The following STOX2 variants were observed in gnomAD, a reference collection of about 807,000 sequenced individuals.
STOX2 encodes storkhead box 2, also known as storkhead-box protein 2.
In STOX2, 28 loss-of-function variants were observed where a neutral mutation model predicts 60.9. That is an observed-to-expected ratio of 0.46 (90% confidence interval 0.34 to 0.63). The LOEUF (loss-of-function observed/expected upper bound fraction) is 0.63, where lower values mean the gene tolerates loss of function less well. Ranked by LOEUF, STOX2 falls within the 30% of genes least tolerant of loss-of-function variation. The pLI is 0.01. For synonymous variants in STOX2, 472 were observed against 463.9 expected (o/e 1.02, Z -0.22); for missense variants, 1,024 against 1,187.7 (o/e 0.86, Z 2.03).
intron 2 of STOX2, among the ~76,000 whole-genome samples, chr4:184,004,611 C>CA (rs11293346): frequency 7.3e-4 from 111 of 151,300 alleles, no homozygotes; most frequent in African/African-American, 2.5e-3. Flanking sequence ...AAAACAAAAA[C>CA]AAAAAAAAAA....
intron 1 of STOX2, among the ~76,000 whole-genome samples, chr4:183,876,331 G>A (rs1740827947): frequency 6.6e-6 from 1 of 152,210 alleles, no homozygotes; most frequent in African/African-American, 2.4e-5. Context: ...TCCAGAGAGT[G>A]TGCAGCAGGC....
intron 1 of STOX2, among the ~76,000 whole-genome samples, chr4:183,982,607 T>A (rs925400235): frequency 6.6e-6 from 1 of 152,256 alleles, no homozygotes; most frequent in African/African-American, 2.4e-5. Flanking sequence ...TGTGCTAGTA[T>A]TCTACCCTGG....
rs1733597499 is a variant in STOX2, at chr4:184,001,648, A to T, written c.319+171A>T. ...TTAAAAATTCAGGCACCTGCATGACATCAAAAAATAACTTAACTGCTTCAG... is the reference window on the plus strand; with the variant it reads ...TTAAAAATTCAGGCACCTGCATGACTTCAAAAAATAACTTAACTGCTTCAG... On this transcript the variant is annotated intron_variant, in intron 2 of 3. Coordinates refer to ENST00000308497, the MANE Select transcript of STOX2 (RefSeq NM_020225.3). This position sits in a 1 kb window ranked among gnomAD's most constrained non-coding sequence, Gnocchi z 4.2. Among the ~76,000 whole-genome samples, 1 of 152,184 alleles carries T rather than the reference A, an allele frequency of 6.6e-6. No homozygotes were observed. The highest frequency in any genetic ancestry group is 2.4e-5 in the African/African-American group (1 of 41,458).
chr4:183,819,586 G>A (rs1424544358), intron 1 of STOX2, among the ~76,000 whole-genome samples: 6 of 104,690 alleles, frequency 5.7e-5, no homozygotes, highest in Non-Finnish European at 1.1e-4. Context: ...GAGGGGGAGG[G>A]AGAGGGAGAG....
intron 1 of STOX2, among the ~76,000 whole-genome samples, chr4:183,891,042 C>T (rs988624005): frequency 6.6e-6 from 1 of 151,676 alleles, no homozygotes; most frequent in African/African-American, 2.4e-5. Flanking sequence ...CCCAGGTAGT[C>T]AAGGCTGCAG....
Position 183,920,682 on chromosome 4 carries a change from G to T in STOX2, c.166+13726G>T, listed in dbSNP as rs536860421. Reference sequence around the variant, plus strand: ...AGATCTGGTAAGGGGCAGGCTGGGGGATTTGCTGAGTGTTTCCCTGCTGCT... The same window carrying T: ...AGATCTGGTAAGGGGCAGGCTGGGGTATTTGCTGAGTGTTTCCCTGCTGCT... On this transcript the variant is annotated intron_variant, in intron 1 of 3. Coordinates refer to ENST00000308497, the MANE Select transcript of STOX2 (RefSeq NM_020225.3). Among the ~76,000 whole-genome samples the T allele has an allele frequency of 7.2e-4, 109 of 152,292 alleles. No homozygotes were observed. The South Asian group carries it at 0.02, about 28-fold the overall frequency.
intron 1 of STOX2, among the ~76,000 whole-genome samples, chr4:183,840,455 G>T (rs1419945941): frequency 6.6e-6 from 1 of 152,146 alleles, no homozygotes; most frequent in Non-Finnish European, 1.5e-5. Flanking sequence ...GCCATCTGAC[G>T]TAGCCCCTTC....
chr4:183,836,577 C>G lies in STOX2; in HGVS notation c.364+38522C>G, dbSNP rs577503449. On this transcript the variant is annotated intron_variant, in intron 1 of 2. Transcript: ENST00000513034. The surrounding 1 kb of genome is among the most constrained non-coding windows in gnomAD (Gnocchi z 4.1). ...TGATGCCTCAGCCATTATCCAGACC[C>G]CATCACATGGCCCCATACAATGGGA... 1.7e-3 allele frequency among the ~76,000 whole-genome samples: 252 copies of G among 152,292 alleles called. 1 individual carries two copies. The highest frequency in any genetic ancestry group is 2.2e-3 in the Non-Finnish European group (149 of 68,022).
chr4:183,858,462 C>T (rs956414746), intron 1 of STOX2, among the ~76,000 whole-genome samples: 5 of 152,144 alleles, frequency 3.3e-5, no homozygotes, highest in South Asian at 2.1e-4. Context: ...TGCCCACGGC[C>T]GGAGCCTCCC....
intron 1 of STOX2, among the ~76,000 whole-genome samples, chr4:183,937,798 T>C (rs1742629270): frequency 2.0e-5 from 3 of 152,158 alleles, no homozygotes; most frequent in African/African-American, 7.2e-5. Flanking sequence ...AAATTTGGAA[T>C]TGATTAAAGA....
At chr4:183,877,669 CGCTGCT>C (rs1392614305) in intron 1 of STOX2, among the ~76,000 whole-genome samples, 1 of 151,746 alleles carries the variant, frequency 6.6e-6, no homozygotes, top group Non-Finnish European at 1.5e-5. Context: ...GCCGCACTTC[CGCTGCT>C]GCTGCTGCTG....
intron 1 of STOX2, among the ~76,000 whole-genome samples, chr4:183,874,940 AAAAAAAAAAAAAATATAT>A (rs1303847608): frequency 1.1e-5 from 1 of 89,246 alleles, no homozygotes; most frequent in Non-Finnish European, 2.2e-5. Flanking sequence ...AAAAAAAAAA[AAAAAAAAAAAAAATATAT>A]ATATATATAT....
At chr4:183,867,549 G>A (rs568000289) in intron 1 of STOX2, among the ~76,000 whole-genome samples, 1 of 152,180 alleles carries the variant, frequency 6.6e-6, no homozygotes, top group African/African-American at 2.4e-5. Flanking sequence ...ATAGTCACTC[G>A]GAGCAGTGGC....
chr4:183,866,548 T>C (rs999710846), intron 1 of STOX2, among the ~76,000 whole-genome samples: 3 of 152,180 alleles, frequency 2.0e-5, no homozygotes, highest in African/African-American at 7.2e-5. Flanking sequence ...GGCTGGGATA[T>C]ACTATATTCT....
rs573561660 is a variant in STOX2 at position 184,010,834 on chromosome 4, G to A, written c.1996G>A (p.Ala666Thr). The A allele has an allele frequency of 9.4e-6, 15 of 1,593,066 alleles. No homozygotes were observed. Among genetic ancestry groups the A allele is most frequent in the East Asian group, 4.5e-5 (2 of 44,534 alleles). ...ESPKGPGGGP[A>T]ASGGVAEGIA... is the part of the protein sequence containing the mutation. ...ACCAAAAGGGCCGGGTGGGGGCCCC[G>A]CTGCTTCGGGAGGAGTGGCTGAAGG... is the stretch of plus-strand genomic sequence containing the variant. Residue 666 changes from alanine (A) to threonine (T), a missense_variant, in exon 3 of 4, where the codon GCT becomes ACT. Physicochemically the swap from Ala to Thr is moderately conservative, Grantham distance 58. This residue lies in a region of STOX2 where 922 missense variants were observed against 1,058.3 expected (regional missense o/e 0.87). Transcript: ENST00000308497. This position sits in a 1 kb window ranked among gnomAD's most constrained non-coding sequence, Gnocchi z 4.5.
chr4:183,842,036 T>A (rs997270754), intron 1 of STOX2, among the ~76,000 whole-genome samples: 1 of 152,248 alleles, frequency 6.6e-6, no homozygotes, highest in African/African-American at 2.4e-5. Context: ...GTTAGATGGA[T>A]AATGAAGCCA....
chr4:183,884,440 C>A (rs1741034436), intron 1 of STOX2, among the ~76,000 whole-genome samples: 1 of 151,900 alleles, frequency 6.6e-6, no homozygotes, highest in Admixed American at 6.6e-5. Flanking sequence ...GAGTTCGTGA[C>A]CAGCTTGGGC....
chr4:183,877,669 C>CGCT (rs1392614305), intron 1 of STOX2, among the ~76,000 whole-genome samples: 2 of 151,746 alleles, frequency 1.3e-5, no homozygotes, highest in African/African-American at 4.8e-5. Context: ...GCCGCACTTC[C>CGCT]GCTGCTGCTG....
chr4:183,950,591 G>A (rs1743038417), intron 1 of STOX2, among the ~76,000 whole-genome samples: 1 of 152,222 alleles, frequency 6.6e-6, no homozygotes, highest in African/African-American at 2.4e-5. Context: ...GAAGTGGCAT[G>A]GGCAGGCCGA....
Sources: allele counts gnomAD v4.1 joint callset (sites outside exome capture counted in the v4.1 genomes callset), GRCh38; gene constraint gnomAD v4.1.1; regional missense constraint gnomAD v4.1.1; non-coding constraint Gnocchi (gnomAD v3.1); transcripts MANE v1.5; gene names NCBI Gene and HGNC (gene_info 2026-07-23, HGNC 2026-07-21).